HRH1: variants seen among roughly 807,000 people sequenced by gnomAD.
HRH1 encodes the protein histamine receptor H1, also known as histamine H1 receptor.
In HRH1, 6 loss-of-function variants were observed where a neutral mutation model predicts 10.3. The observed-to-expected ratio is 0.58, with a 90% confidence interval of 0.32 to 1.15. HRH1 has a LOEUF of 1.15. Among genes scored for constraint, HRH1 ranks in the 50% most tolerant of loss-of-function variants. The pLI, the probability that HRH1 is intolerant of heterozygous loss-of-function variation, is 0.05. For missense variants in HRH1, 514 were observed against 615.3 expected (o/e 0.84, Z 1.74); for synonymous variants, 242 against 236.7 (o/e 1.02, Z -0.21).
At chr3:11,232,517 T>C (rs1939069622) in intron 1 of HRH1, among the ~76,000 whole-genome samples, 1 of 152,212 alleles carries the variant, frequency 6.6e-6, no homozygotes, top group Admixed American at 6.5e-5. Context: ...CACAAAGTCT[T>C]GATTACTGTA....
chr3:11,154,292 G>A (rs902392407), upstream of HRH1, among the ~76,000 whole-genome samples: 2 of 151,966 alleles, frequency 1.3e-5, no homozygotes, highest in Non-Finnish European at 2.9e-5. The surrounding 1 kb of genome is among the most constrained non-coding windows in gnomAD (Gnocchi z 4.4). Context: ...GAGGGTGTCC[G>A]AGCGAGAGGC....
intron 1 of HRH1, among the ~76,000 whole-genome samples, chr3:11,197,079 C>T (rs945344007): frequency 6.7e-5 from 10 of 148,920 alleles, no homozygotes; most frequent in African/African-American, 2.2e-4. Flanking sequence ...GAGCTGAGAT[C>T]GCGCCACTGC....
intron 1 of HRH1, among the ~76,000 whole-genome samples, chr3:11,198,367 T>C (rs936179755): frequency 6.6e-6 from 1 of 152,154 alleles, no homozygotes; most frequent in Non-Finnish European, 1.5e-5. Flanking sequence ...ATCTGTATCA[T>C]TTCCATTTTT....
rs752039897 is a variant in HRH1, at chr3:11,183,610, C to T, written c.-36+29056C>T. On this transcript the variant is annotated intron_variant, in intron 1 of 1. Transcript: ENST00000431010. Reference sequence around the variant, plus strand: ...CTCCCCGTGGGCCCTGCCGGGGCGGCGGCATGCATGTACATGAGGGTGAAT... The same window carrying T: ...CTCCCCGTGGGCCCTGCCGGGGCGGTGGCATGCATGTACATGAGGGTGAAT... Among the ~76,000 whole-genome samples the T allele has an allele frequency of 4.6e-5, 7 of 152,264 alleles. No individual in the cohort carries two copies. In the Middle Eastern group the frequency reaches 0.01, roughly 222 times the overall value.
intron 1 of HRH1, among the ~76,000 whole-genome samples, chr3:11,257,740 G>A (rs934435106): frequency 6.6e-6 from 1 of 152,122 alleles, no homozygotes; most frequent in Admixed American, 6.5e-5. Context: ...CACCCAAGCT[G>A]GAGTGCAGTG....
At position 11,230,731 on chromosome 3, in the gene HRH1, A is replaced by G. The variant is rs79857305; in HGVS notation, c.-35-28272A>G. Among the ~76,000 whole-genome samples, 885 of 152,336 alleles carry G rather than the reference A, an allele frequency of 5.8e-3. 8 individuals carry two copies. Among genetic ancestry groups the G allele is most frequent in the African/African-American group, 0.02 (839 of 41,576 alleles). On this transcript the variant is annotated intron_variant, in intron 1 of 1. Coordinates refer to ENST00000431010, the MANE Select transcript of HRH1 (RefSeq NM_001098212.2). The stretch of plus-strand genomic sequence containing the variant: ...TTTAATCCTGGCTGCACACTGGATC[A>G]CCTGGGGACCTTTAAACCATAGTGG...
intron 1 of HRH1, among the ~76,000 whole-genome samples, chr3:11,220,660 T>C (rs1575023210): frequency 6.6e-6 from 1 of 152,332 alleles, no homozygotes; most frequent in African/African-American, 2.4e-5. Flanking sequence ...GGCTGCCTCT[T>C]GTAAACCTTG....
intron 1 of HRH1, chr3:11,234,176 T>G: frequency 1.2e-6 from 1 of 860,998 alleles, no homozygotes; most frequent in Non-Finnish European, 1.8e-6. Flanking sequence ...AAAGACACTT[T>G]CTTGGAAGGT....
intron 1 of HRH1, among the ~76,000 whole-genome samples, chr3:11,246,230 A>C (rs187212725): frequency 9.0e-4 from 137 of 152,346 alleles, no homozygotes; most frequent in Middle Eastern, 3.4e-3. Flanking sequence ...TACTCTGAGG[A>C]CACAGAGCTA....
chr3:11,251,489 CATT>C (rs1939649142), intron 1 of HRH1, among the ~76,000 whole-genome samples: 1 of 152,206 alleles, frequency 6.6e-6, no homozygotes, highest in East Asian at 1.9e-4. Flanking sequence ...TCAGACCAGT[CATT>C]AGGTAGGGTG....
At chr3:11,153,512 C>T (rs1161259881), upstream of HRH1, among the ~76,000 whole-genome samples, 2 of 146,902 alleles carry the variant, frequency 1.4e-5, no homozygotes, top group Non-Finnish European at 3.0e-5. Flanking sequence ...CACACCCCAA[C>T]CCACCATGTC....
At chr3:11,152,641 T>TC (rs1482205566), upstream of HRH1, among the ~76,000 whole-genome samples, 1 of 27,436 alleles carries the variant, frequency 3.6e-5, no homozygotes, top group Admixed American at 3.6e-4. Flanking sequence ...CCCACCTCCA[T>TC]CCCCCCCTTA....
At chr3:11,175,733 A>G (rs563910303) in intron 1 of HRH1, among the ~76,000 whole-genome samples, 1 of 152,384 alleles carries the variant, frequency 6.6e-6, no homozygotes, top group South Asian at 2.1e-4. Context: ...CAGGTTAACA[A>G]AAATACAGAT....
In HRH1 at chr3:11,221,288, C is replaced by T. The variant is rs1238007321; in HGVS notation, c.-35-37715C>T. 7.2e-5 allele frequency among the ~76,000 whole-genome samples: 11 copies of T among 152,086 alleles called. 1 individual carries two copies. The highest frequency in any genetic ancestry group is 2.2e-4 in the African/African-American group (9 of 41,398). On this transcript the variant is annotated intron_variant, in intron 1 of 1. Transcript: ENST00000431010. Reference sequence around the variant, plus strand: ...TAACACGGGGCCAGGTGCAGTGGCTCATGCCTATAATCCTAGCACTTTGGG... The same window carrying T: ...TAACACGGGGCCAGGTGCAGTGGCTTATGCCTATAATCCTAGCACTTTGGG...
At chr3:11,146,831 A>G (rs1936461058) in intron 1 of HRH1, among the ~76,000 whole-genome samples, 1 of 152,180 alleles carries the variant, frequency 6.6e-6, no homozygotes, top group Non-Finnish European at 1.5e-5. Flanking sequence ...GCTAAGCAAA[A>G]GTTTCTGTGC....
At chr3:11,238,729 C>CTTTCT (rs1939254978) in intron 1 of HRH1, among the ~76,000 whole-genome samples, 1 of 152,240 alleles carries the variant, frequency 6.6e-6, no homozygotes, top group Admixed American at 6.5e-5. Flanking sequence ...AATCTATTCT[C>CTTTCT]TGTCTCTATA....
intron 1 of HRH1, among the ~76,000 whole-genome samples, chr3:11,194,910 TC>T (rs1937613425): frequency 6.6e-6 from 1 of 152,232 alleles, no homozygotes; most frequent in Non-Finnish European, 1.5e-5. Flanking sequence ...ATATTTTTTT[TC>T]TAATACGCCT....
rs1939288095 is a variant in HRH1 at position 11,239,824 on chromosome 3, C to G, written c.-35-19179C>G. 2.0e-5 allele frequency among the ~76,000 whole-genome samples: 3 copies of G among 152,018 alleles called. No individual in the cohort carries two copies. In the South Asian group the frequency reaches 6.2e-4, roughly 32 times the overall value. On this transcript the variant is annotated intron_variant, in intron 1 of 1. Transcript: ENST00000431010. ...CTTGCCCCCAGTGGCAGCCCCCCAC[C>G]CCCACTTAACCCCACTTATAAAATC...
intron 1 of HRH1, among the ~76,000 whole-genome samples, chr3:11,159,983 C>T (rs1204932645): frequency 6.6e-6 from 1 of 152,228 alleles, no homozygotes. Flanking sequence ...GATGAGAGTT[C>T]TTCTAACCAG....
Sources: gnomAD v4.1 joint callset for allele counts (sites outside exome capture counted in the v4.1 genomes callset) on GRCh38, gnomAD v4.1.1 for gene constraint, Gnocchi (gnomAD v3.1) non-coding constraint, MANE v1.5 for transcripts, NCBI Gene and HGNC (gene_info 2026-07-23, HGNC 2026-07-21) for gene names.